PRKCH: variants seen among roughly 807,000 people sequenced by gnomAD.
The protein encoded by PRKCH is protein kinase C eta type.
Under a neutral mutation model 82.5 loss-of-function variants are expected in PRKCH, and 28 were observed. The ratio of observed to expected loss-of-function variants is 0.34; its 90% CI spans 0.25 to 0.47. The LOEUF is 0.47. PRKCH is among the 20% of genes least tolerant of loss of function. The pLI is 1.00. For missense variants in PRKCH, 705 were observed against 881.8 expected, an observed-to-expected ratio of 0.80 and a Z score of 2.54; for synonymous variants, 322 against 327.4, an observed-to-expected ratio of 0.98 and a Z score of 0.18.
chr14:61,445,001 G>A (rs993371000), intron 3 of PRKCH, among the ~76,000 whole-genome samples: 3 of 152,176 alleles, frequency 2.0e-5, no homozygotes, highest in South Asian at 2.1e-4. Context: ...GCTGCCTCCC[G>A]TGGCTTTTTG....
intron 2 of PRKCH, among the ~76,000 whole-genome samples, chr14:61,402,455 C>T (rs1238176303): frequency 6.6e-6 from 1 of 152,184 alleles, no homozygotes; most frequent in Non-Finnish European, 1.5e-5. Context: ...TCATGTACTT[C>T]AACTAGAACA....
chr14:61,277,961 T>C (rs1329260815), intron 1 of PRKCH: 1 of 152,198 alleles, frequency 6.6e-6, no homozygotes, highest in Non-Finnish European at 1.5e-5. Context: ...TTCAAAAGAA[T>C]TCAGCAAACT....
intron 9 of PRKCH, among the ~76,000 whole-genome samples, chr14:61,466,825 C>T (rs963931069): frequency 1.3e-5 from 2 of 152,124 alleles, no homozygotes; most frequent in East Asian, 1.9e-4. Context: ...GGCGTCTTTA[C>T]GATGTCAGCC....
intron 1 of PRKCH, among the ~76,000 whole-genome samples, chr14:61,220,647 G>A (rs2044648740): frequency 1.3e-5 from 2 of 152,200 alleles, no homozygotes; most frequent in African/African-American, 2.4e-5. Context: ...AAGAAACGAC[G>A]AGAGGAAAAT....
At chr14:61,331,972 A>G (rs1566824316) in intron 1 of PRKCH, among the ~76,000 whole-genome samples, 1 of 152,366 alleles carries the variant, frequency 6.6e-6, no homozygotes, top group East Asian at 1.9e-4. Context: ...CCTTAAGGCA[A>G]TACATTTCAA....
intron 1 of PRKCH, among the ~76,000 whole-genome samples, chr14:61,219,104 A>T (rs770417900): frequency 5.3e-5 from 8 of 152,238 alleles, no homozygotes; most frequent in Non-Finnish European, 1.0e-4. Flanking sequence ...TTGGACTTCA[A>T]CAACCTCCTT....
rs549776256 is a variant in PRKCH, at chr14:61,382,148, C to T, written c.364-9077C>T. Among the ~76,000 whole-genome samples the T allele has an allele frequency of 8.3e-4, 126 of 152,272 alleles. 2 individuals are homozygous for T. The highest frequency in any genetic ancestry group is 9.8e-4 in the Admixed American group (15 of 15,292). ...GTTTTTGTTATTAGAAACACAGCCT[C>T]AGCCAGGCACAGTGGCTCACACCAG... On this transcript the variant is annotated intron_variant, in intron 1 of 13. Coordinates refer to ENST00000332981, the MANE Select transcript of PRKCH (RefSeq NM_006255.5).
At chr14:61,451,851 A>G (rs1049885739) in intron 6 of PRKCH, among the ~76,000 whole-genome samples, 3 of 152,214 alleles carry the variant, frequency 2.0e-5, no homozygotes, top group African/African-American at 7.2e-5. Flanking sequence ...GCTTCTGTCA[A>G]CAAAAAGGGG....
chr14:61,503,448 T>TTC (rs991614005), intron 10 of PRKCH, among the ~76,000 whole-genome samples: 4 of 152,170 alleles, frequency 2.6e-5, no homozygotes, highest in Non-Finnish European at 4.4e-5. Context: ...CTTTGTCTGT[T>TTC]TCTGCCTATG....
intron 1 of PRKCH, among the ~76,000 whole-genome samples, chr14:61,243,576 C>A (rs112058946): frequency 1.3e-4 from 19 of 151,864 alleles, no homozygotes; most frequent in Non-Finnish European, 2.9e-5. Context: ...CAAGACCAAG[C>A]AAGCATGGCC....
intron 1 of PRKCH, chr14:61,326,972 G>A (rs1566821882): frequency 4.8e-6 from 2 of 420,594 alleles, no homozygotes; most frequent in Non-Finnish European, 9.7e-6. Context: ...CTTCTAAATG[G>A]GGACCAGCAT....
intron 10 of PRKCH, among the ~76,000 whole-genome samples, chr14:61,524,367 C>T (rs959262900): frequency 2.0e-5 from 3 of 152,244 alleles, no homozygotes; most frequent in African/African-American, 7.2e-5. Flanking sequence ...TTCTACCCTT[C>T]TATGCTTGCA....
At chr14:61,448,942 A>T (rs1345021920) in intron 4 of PRKCH, among the ~76,000 whole-genome samples, 1 of 152,088 alleles carries the variant, frequency 6.6e-6, no homozygotes, top group African/African-American at 2.4e-5. Flanking sequence ...GTCAGGAAGG[A>T]AGAAATAGGC....
rs185248451 is a variant in PRKCH, at chr14:61,396,726, A to T, written c.427+5438A>T. On this transcript the variant is annotated intron_variant, in intron 2 of 13. Transcript: ENST00000332981. ...AGTTCAAGAGAGGGAGACAGTTTGT[A>T]CAAGAAACGAAAAGGAGTGTGGAGG... Among the ~76,000 whole-genome samples, 198 of 152,328 alleles carry T rather than the reference A, an allele frequency of 1.3e-3. 1 individual carries two copies. Among genetic ancestry groups the T allele is most frequent in the Non-Finnish European group, 1.7e-3 (115 of 68,024 alleles).
At chr14:61,369,526 T>TA (rs2046339702) in intron 1 of PRKCH, among the ~76,000 whole-genome samples, 1 of 152,138 alleles carries the variant, frequency 6.6e-6, no homozygotes, top group Non-Finnish European at 1.5e-5. Context: ...TTTTAACAGT[T>TA]ACATCTTAAC....
intron 1 of PRKCH, among the ~76,000 whole-genome samples, chr14:61,221,760 G>A (rs1285804465): frequency 6.6e-6 from 1 of 152,114 alleles, no homozygotes; most frequent in East Asian, 1.9e-4. Context: ...AGACCCCCCA[G>A]TGTCACCCCT....
chr14:61,494,696 T>A (rs537404611), intron 10 of PRKCH, among the ~76,000 whole-genome samples: 17 of 152,374 alleles, frequency 1.1e-4, no homozygotes, highest in African/African-American at 3.8e-4. Flanking sequence ...TCACCTGATT[T>A]GGGTTTTCTT....
At chr14:61,478,358 G>A (rs975653004) in intron 9 of PRKCH, among the ~76,000 whole-genome samples, 1 of 151,990 alleles carries the variant, frequency 6.6e-6, no homozygotes, top group Non-Finnish European at 1.5e-5. Flanking sequence ...ACTGCCCTGG[G>A]CTTCCTCTTA....
At chr14:61,506,349 A>G (rs945159936) in intron 10 of PRKCH, among the ~76,000 whole-genome samples, 84 of 152,096 alleles carry the variant, frequency 5.5e-4, no homozygotes, top group African/African-American at 1.8e-3. Flanking sequence ...ACTTCGGTGC[A>G]CCAAGCAGGC....
Sources: gnomAD v4.1 joint callset for allele counts (sites outside exome capture counted in the v4.1 genomes callset) on GRCh38, gnomAD v4.1.1 for gene constraint, MANE v1.5 for transcripts, NCBI Gene and HGNC (gene_info 2026-07-23, HGNC 2026-07-21) for gene names.